TRPC7: variants seen among roughly 807,000 people sequenced by gnomAD.
TRPC7 encodes short transient receptor potential channel 7.
In TRPC7, 42 loss-of-function variants were observed where a neutral mutation model predicts 90.1. That is an observed-to-expected ratio of 0.47 (90% confidence interval 0.36 to 0.60). TRPC7 has a LOEUF of 0.60. Among genes scored for constraint, TRPC7 ranks in the 20% least tolerant of loss-of-function variants. The pLI is 0.00. For synonymous variants in TRPC7, 451 were observed against 436.3 expected, an observed-to-expected ratio of 1.03 and a Z score of -0.42; for missense variants, 955 against 1,112.3, an observed-to-expected ratio of 0.86 and a Z score of 2.01.
chr5:136,346,898 G>T (rs1164202219), intron 2 of TRPC7, among the ~76,000 whole-genome samples: 1 of 152,120 alleles, frequency 6.6e-6, no homozygotes, highest in East Asian at 1.9e-4. Flanking sequence ...TTGGAAATAG[G>T]ATATTTGCTG....
chr5:136,318,626 A>G (rs1191645445), intron 2 of TRPC7, among the ~76,000 whole-genome samples: 1 of 152,144 alleles, frequency 6.6e-6, no homozygotes, highest in African/African-American at 2.4e-5. Flanking sequence ...TTTCCTTGAC[A>G]GCCCATTTTC....
chr5:136,335,915 A>G (rs1256614025), intron 2 of TRPC7, among the ~76,000 whole-genome samples: 4 of 149,818 alleles, frequency 2.7e-5, no homozygotes, highest in African/African-American at 9.8e-5. Context: ...AAAAAAAAAA[A>G]AAAAAAAAAA....
At chr5:136,320,346 C>T (rs1223415762) in intron 2 of TRPC7, among the ~76,000 whole-genome samples, 1 of 152,174 alleles carries the variant, frequency 6.6e-6, no homozygotes, top group East Asian at 1.9e-4. Flanking sequence ...ACCCTAGAAA[C>T]TCCCAACTGG....
chr5:136,313,643 C>T (rs551728529), intron 3 of TRPC7, among the ~76,000 whole-genome samples: 139 of 152,266 alleles, frequency 9.1e-4, no homozygotes, highest in Admixed American at 1.5e-3. Flanking sequence ...TGTCTGCTGT[C>T]GCATGATGGC....
chr5:136,216,348 A>AC (rs1326437048), intron 10 of TRPC7, 73 bp from the exon 11 acceptor site: 10 of 1,200,048 alleles, frequency 8.3e-6, no homozygotes, highest in Admixed American at 3.9e-5. Flanking sequence ...GTGTAGCAGG[A>AC]CCCCTCCCTC....
chr5:136,283,285 G>C (rs565014519), intron 3 of TRPC7, among the ~76,000 whole-genome samples: 68 of 152,336 alleles, frequency 4.5e-4, no homozygotes, highest in Non-Finnish European at 8.8e-4. Context: ...GCAGTTGCTT[G>C]CTTTCCATTG....
At chr5:136,218,106 ATT>A (rs1385144797) in intron 10 of TRPC7, among the ~76,000 whole-genome samples, 1 of 145,122 alleles carries the variant, frequency 6.9e-6, no homozygotes, top group African/African-American at 2.5e-5. Flanking sequence ...TATAATATAT[ATT>A]TGAGATATAT....
intron 7 of TRPC7, among the ~76,000 whole-genome samples, chr5:136,244,114 ATC>A (rs923323445): frequency 2.4e-4 from 35 of 147,020 alleles, no homozygotes; most frequent in Non-Finnish European, 3.9e-4. Context: ...TAAAGTCATA[ATC>A]TCTCTCTCTC....
At chr5:136,258,918 G>C (rs1279821462) in intron 5 of TRPC7, among the ~76,000 whole-genome samples, 1 of 152,210 alleles carries the variant, frequency 6.6e-6, no homozygotes, top group Admixed American at 6.5e-5. Context: ...CCTAGTGGCT[G>C]TGAACCCACA....
chr5:136,220,621 T>C (rs1422810338), intron 10 of TRPC7, among the ~76,000 whole-genome samples: 1 of 152,220 alleles, frequency 6.6e-6, no homozygotes, highest in African/African-American at 2.4e-5. Context: ...CAGGTGAACA[T>C]AGACCCTTAT....
chr5:136,285,154 G>A (rs190589161), intron 3 of TRPC7, among the ~76,000 whole-genome samples: 2 of 152,184 alleles, frequency 1.3e-5, no homozygotes, highest in Non-Finnish European at 2.9e-5. Flanking sequence ...AATGGGTCTT[G>A]TGAGTCGTGC....
intron 4 of TRPC7, among the ~76,000 whole-genome samples, chr5:136,271,764 G>A (rs959792992): frequency 1.3e-5 from 2 of 152,142 alleles, no homozygotes; most frequent in Admixed American, 1.3e-4. Flanking sequence ...ATCATTATAC[G>A]TAGCCATCTG....
intron 5 of TRPC7, among the ~76,000 whole-genome samples, chr5:136,264,005 TTCTC>T (rs527667090): frequency 5.1e-4 from 77 of 152,304 alleles, no homozygotes; most frequent in African/African-American, 1.9e-3. Flanking sequence ...TTTGAAAACA[TTCTC>T]TAGGAAAGAA....
chr5:136,329,701 A>G lies in TRPC7; in HGVS notation c.781-13922T>C, dbSNP rs1759256248. On this transcript the variant is annotated intron_variant, in intron 2 of 11. Coordinates refer to ENST00000513104, the MANE Select transcript of TRPC7 (RefSeq NM_020389.3). ...ATGCGTAAGTTATGCACATAATTCA[A>G]TATTTTATGTATTTCTCATAAATAG... Among the ~76,000 whole-genome samples, 3 of 152,194 alleles carry G rather than the reference A, an allele frequency of 2.0e-5. No individual in the cohort carries two copies. In the South Asian group the frequency reaches 6.2e-4, roughly 32 times the overall value.
At chr5:136,304,462 A>T (rs13171723) in intron 3 of TRPC7, among the ~76,000 whole-genome samples, 13,192 of 152,262 alleles carry the variant, frequency 0.087, 735 homozygotes, top group Non-Finnish European at 0.13. Context: ...CGCCTTATCA[A>T]CCAAATTGTT....
intron 3 of TRPC7, among the ~76,000 whole-genome samples, chr5:136,288,554 G>A (rs1445783598): frequency 1.3e-5 from 2 of 151,928 alleles, no homozygotes; most frequent in African/African-American, 2.4e-5. Context: ...TACTTACTAT[G>A]TACTGGAACT....
intron 2 of TRPC7, among the ~76,000 whole-genome samples, chr5:136,316,711 C>T (rs938312717): frequency 6.6e-6 from 1 of 152,166 alleles, no homozygotes; most frequent in Non-Finnish European, 1.5e-5. Flanking sequence ...AAATGTTGGA[C>T]AAAGAATGTT....
rs149002733 is a variant in TRPC7, at chr5:136,229,136, G to A, written c.2040+2218C>T. Among the ~76,000 whole-genome samples the A allele has an allele frequency of 3.1e-4, 47 of 152,330 alleles. 2 individuals carry two copies. The East Asian group carries it at 8.7e-3, about 28-fold the overall frequency. On this transcript the variant is annotated intron_variant, in intron 8 of 11. Coordinates refer to ENST00000513104, the MANE Select transcript of TRPC7 (RefSeq NM_020389.3). ...CCCAGAAGGGCAGGAAGGACTAGTG[G>A]ACAAGAGCTCATTATCCACACTGGT... is the stretch of plus-strand genomic sequence containing the variant.
chr5:136,357,055 C>A lies in TRPC7; in HGVS notation c.333G>T (p.Leu111=), dbSNP rs183740585. 0.017 allele frequency: 27,852 copies of A among 1,613,660 alleles called. 300 individuals are homozygous for A. Among genetic ancestry groups the A allele is most frequent in the Middle Eastern group, 0.024 (148 of 6,062 alleles). ...ENLARVGDAL[L]LAISKGYVRI... is the part of the protein sequence containing the mutation. ...GCACATAGCCCTTGCTGATGGCCAG[C>A]AGCAGCGCGTCCCCCACCCGTGCCA... The change falls in exon 2 of 12, where the codon CTG becomes CTT. Residue 111 remains leucine, a synonymous_variant. Coordinates refer to ENST00000513104, the MANE Select transcript of TRPC7 (RefSeq NM_020389.3).
Sources: gnomAD v4.1 joint callset for allele counts (sites outside exome capture counted in the v4.1 genomes callset) on GRCh38, gnomAD v4.1.1 for gene constraint, MANE v1.5 for transcripts, NCBI Gene and HGNC (gene_info 2026-07-23, HGNC 2026-07-21) for gene names.